ACCSL: variants seen among roughly 807,000 people sequenced by gnomAD.
The protein encoded by ACCSL is probable inactive 1-aminocyclopropane-1-carboxylate synthase-like protein 2.
In ACCSL, 55 loss-of-function variants were observed where a neutral mutation model predicts 61.7. The ratio of observed to expected loss-of-function variants is 0.89; its 90% CI spans 0.72 to 1.12. ACCSL has a LOEUF of 1.12. ACCSL is among the 50% of genes most tolerant of loss of function. The pLI, the probability that ACCSL is intolerant of heterozygous loss-of-function variation, is 0.00. For missense variants in ACCSL, 632 were observed against 698.0 expected (o/e 0.91, Z 1.07); for synonymous variants, 258 against 264.3 (o/e 0.98, Z 0.23).
At chr11:43,989,394 GC>G in the ACCSL span, among the ~76,000 whole-genome samples, 1 of 152,212 alleles carries the variant, frequency 6.6e-6, no homozygotes, top group East Asian at 1.9e-4. Flanking sequence ...TCCTGCCTAG[GC>G]TTGGCCAGAT....
the ACCSL span, among the ~76,000 whole-genome samples, chr11:43,996,873 T>C: frequency 6.7e-6 from 1 of 149,316 alleles, no homozygotes; most frequent in Non-Finnish European, 1.5e-5. Flanking sequence ...AGAGCAAGGG[T>C]GTACACTCGG....
At chr11:44,044,345 T>C (rs1952588107), upstream of ACCSL, among the ~76,000 whole-genome samples, 1 of 152,180 alleles carries the variant, frequency 6.6e-6, no homozygotes, top group African/African-American at 2.4e-5. Flanking sequence ...CACATTCTTC[T>C]CATCTTACAT....
chr11:43,967,558 T>C, the ACCSL span, among the ~76,000 whole-genome samples: 3 of 152,158 alleles, frequency 2.0e-5, no homozygotes, highest in Non-Finnish European at 4.4e-5. Flanking sequence ...TATATCCATT[T>C]TTTGGCCTTC....
At chr11:43,968,797 C>T in the ACCSL span, among the ~76,000 whole-genome samples, 3 of 152,270 alleles carry the variant, frequency 2.0e-5, no homozygotes, top group South Asian at 6.2e-4. Flanking sequence ...ACAATGGAGA[C>T]CGCTGGAGCT....
intron 8 of ACCSL, among the ~76,000 whole-genome samples, chr11:44,054,975 C>T (rs1952662249): frequency 6.6e-6 from 1 of 152,082 alleles, no homozygotes; most frequent in Admixed American, 6.5e-5. Context: ...TTCCCATTAC[C>T]CCCAAGCTAG....
the ACCSL span, among the ~76,000 whole-genome samples, chr11:43,925,973 G>C: frequency 1.3e-5 from 2 of 152,158 alleles, no homozygotes; most frequent in Admixed American, 6.5e-5. Flanking sequence ...ATGCTGGGTG[G>C]GCGGTCCTTC....
At chr11:43,979,527 T>C in the ACCSL span, among the ~76,000 whole-genome samples, 1 of 152,022 alleles carries the variant, frequency 6.6e-6, no homozygotes, top group Non-Finnish European at 1.5e-5. Flanking sequence ...GATCTACATA[T>C]CGATGTAAAG....
chr11:44,047,143 C>T (rs933563266), upstream of ACCSL, among the ~76,000 whole-genome samples: 7 of 152,168 alleles, frequency 4.6e-5, no homozygotes, highest in Admixed American at 4.6e-4. Context: ...GAGGTCTCAC[C>T]ATCTGTTTCC....
At chr11:43,996,377 T>TGGGGAGACCTGTCGC in the ACCSL span, among the ~76,000 whole-genome samples, 2 of 152,250 alleles carry the variant, frequency 1.3e-5, no homozygotes, top group South Asian at 2.1e-4. Context: ...TCAGTGGCTG[T>TGGGGAGACCTGTCGC]GGGGAGACCT....
chr11:44,018,130 G>C, the ACCSL span, among the ~76,000 whole-genome samples: 4 of 152,284 alleles, frequency 2.6e-5, no homozygotes, highest in South Asian at 8.3e-4. Context: ...GCGTCTGTCT[G>C]TCCCCCAGCC....
chr11:43,955,727 A>G, the ACCSL span, among the ~76,000 whole-genome samples: 1 of 152,088 alleles, frequency 6.6e-6, no homozygotes, highest in Non-Finnish European at 1.5e-5. Context: ...CAATAGTGAC[A>G]TTATCTGCAG....
At chr11:43,934,929 C>T in the ACCSL span, among the ~76,000 whole-genome samples, 2 of 152,160 alleles carry the variant, frequency 1.3e-5, no homozygotes, top group Admixed American at 6.5e-5. Flanking sequence ...TGCCCAGAAG[C>T]CAAAGTGTGG....
the ACCSL span, among the ~76,000 whole-genome samples, chr11:43,949,763 C>T: frequency 6.6e-6 from 1 of 152,088 alleles, no homozygotes; most frequent in African/African-American, 2.4e-5. Context: ...TGCAGTGAGC[C>T]AAGATCGCAC....
the ACCSL span, among the ~76,000 whole-genome samples, chr11:43,952,232 A>G: frequency 6.6e-6 from 1 of 151,952 alleles, no homozygotes; most frequent in Non-Finnish European, 1.5e-5. Context: ...CCCACCCTCC[A>G]CCTTCAAGTA....
intron 1 of ACCSL, among the ~76,000 whole-genome samples, chr11:44,049,500 G>T (rs1687715849): frequency 6.6e-6 from 1 of 151,792 alleles, no homozygotes; most frequent in African/African-American, 2.4e-5. Context: ...AGGAAAGGGG[G>T]TCCTTAGCAG....
chr11:43,990,815 A>G, the ACCSL span, among the ~76,000 whole-genome samples: 1,241 of 152,232 alleles, frequency 8.2e-3, 11 homozygotes, highest in East Asian at 0.03. Context: ...CTCACACCGT[A>G]ATCACAGCAC....
chr11:43,928,040 G>T, the ACCSL span, among the ~76,000 whole-genome samples: 2 of 152,326 alleles, frequency 1.3e-5, no homozygotes, highest in South Asian at 4.1e-4. Flanking sequence ...TGAGGTGGTG[G>T]CCAGGGAAGT....
chr11:43,962,113 C>T, the ACCSL span, among the ~76,000 whole-genome samples: 1 of 152,316 alleles, frequency 6.6e-6, no homozygotes, highest in Admixed American at 6.5e-5. Flanking sequence ...TCTCTCCCTC[C>T]CTCTCTGTCA....
chr11:44,001,329 GC>G, the ACCSL span, among the ~76,000 whole-genome samples: 1 of 151,874 alleles, frequency 6.6e-6, no homozygotes, highest in Non-Finnish European at 1.5e-5. Context: ...AAAGCAAGCT[GC>G]CCATCTCTCG....
Sources: allele counts gnomAD v4.1 joint callset (sites outside exome capture counted in the v4.1 genomes callset), GRCh38; gene constraint gnomAD v4.1.1; transcripts MANE v1.5; gene names NCBI Gene and HGNC (gene_info 2026-07-23, HGNC 2026-07-21).